NRG1: variants seen among roughly 807,000 people sequenced by gnomAD.
The protein encoded by NRG1 is neuregulin 1.
In NRG1, 18 loss-of-function variants were observed where a neutral mutation model predicts 63.8. The ratio of observed to expected loss-of-function variants is 0.28; its 90% CI spans 0.19 to 0.42. NRG1 has a LOEUF of 0.42. Ranked by LOEUF, NRG1 falls within the 10% of genes least tolerant of loss-of-function variation. The pLI is 1.00. For synonymous variants in NRG1, 302 were observed against 301.3 expected, an observed-to-expected ratio of 1.00 and a Z score of -0.02; for missense variants, 762 against 814.7, an observed-to-expected ratio of 0.94 and a Z score of 0.79.
At chr8:32,418,442 TA>T (rs1563437674) in intron 1 of NRG1, among the ~76,000 whole-genome samples, 1 of 151,942 alleles carries the variant, frequency 6.6e-6, no homozygotes, top group African/African-American at 2.4e-5. Flanking sequence ...GTAATCAATA[TA>T]AAAAATATCA....
chr8:32,195,784 T>C (rs1842893012), intron 1 of NRG1, among the ~76,000 whole-genome samples: 1 of 152,172 alleles, frequency 6.6e-6, no homozygotes, highest in Non-Finnish European at 1.5e-5. Flanking sequence ...AGACATTGAA[T>C]ACTATGTTTG....
At chr8:31,668,435 C>T (rs1249345079) in intron 1 of NRG1, among the ~76,000 whole-genome samples, 11 of 152,164 alleles carry the variant, frequency 7.2e-5, no homozygotes, top group African/African-American at 2.7e-4. Flanking sequence ...AGAGGGATAT[C>T]TCTTTGTCTT....
At chr8:32,393,892 T>TAAAC (rs1399275076) in intron 1 of NRG1, among the ~76,000 whole-genome samples, 1 of 152,106 alleles carries the variant, frequency 6.6e-6, no homozygotes, top group East Asian at 1.9e-4. Context: ...AATAAAAGTT[T>TAAAC]AAATAAATAA....
intron 1 of NRG1, among the ~76,000 whole-genome samples, chr8:32,538,281 G>T (rs1202086286): frequency 6.6e-6 from 1 of 152,138 alleles, no homozygotes; most frequent in East Asian, 1.9e-4. Flanking sequence ...TCAACTATAT[G>T]TAGGGACTCT....
intron 1 of NRG1, among the ~76,000 whole-genome samples, chr8:32,364,075 CTTTTTTTTTTTTT>C (rs932903875): frequency 9.2e-5 from 6 of 65,520 alleles, no homozygotes; most frequent in Admixed American, 2.0e-4. Context: ...TCTGACTAGT[CTTTTTTTTTTTTT>C]TTTTTTTTTT....
At chr8:31,982,453 G>A (rs1343228195) in intron 1 of NRG1, among the ~76,000 whole-genome samples, 1 of 152,058 alleles carries the variant, frequency 6.6e-6, no homozygotes, top group African/African-American at 2.4e-5. Flanking sequence ...GAACCCAGAA[G>A]ATAGTGGGAA....
chr8:31,758,096 C>T (rs1384525422), intron 1 of NRG1, among the ~76,000 whole-genome samples: 2 of 152,044 alleles, frequency 1.3e-5, no homozygotes, highest in African/African-American at 4.8e-5. Context: ...TTGTGGGATA[C>T]ATGTGCAGAA....
intron 1 of NRG1, among the ~76,000 whole-genome samples, chr8:31,923,361 G>A (rs1834071133): frequency 6.6e-6 from 1 of 152,052 alleles, no homozygotes; most frequent in Non-Finnish European, 1.5e-5. Context: ...ACATATAAAT[G>A]AGTGTATTTG....
At chr8:32,214,153 G>A (rs1238216671) in intron 1 of NRG1, among the ~76,000 whole-genome samples, 1 of 152,042 alleles carries the variant, frequency 6.6e-6, no homozygotes, top group East Asian at 1.9e-4. Flanking sequence ...GCAAATTTGT[G>A]TCCTGCTTTT....
chr8:32,662,270 C>T (rs1218064580), intron 5 of NRG1, among the ~76,000 whole-genome samples: 5 of 152,110 alleles, frequency 3.3e-5, no homozygotes, highest in Admixed American at 2.0e-4. Flanking sequence ...AACCATATGG[C>T]CATATGGAAG....
chr8:32,759,196 G>T, intron 9 of NRG1, 110 bp from the exon 10 acceptor site: 2 of 1,232,660 alleles, frequency 1.6e-6, no homozygotes, highest in Admixed American at 2.4e-5. Flanking sequence ...TACAAAAATA[G>T]ATTTGTGTGT....
chr8:31,699,024 C>G (rs1458179748), intron 1 of NRG1, among the ~76,000 whole-genome samples: 1 of 152,168 alleles, frequency 6.6e-6, no homozygotes, highest in African/African-American at 2.4e-5. Flanking sequence ...CCACTGACTT[C>G]CGTCATTGTA....
chr8:31,903,187 T>C (rs1185029336), intron 1 of NRG1, among the ~76,000 whole-genome samples: 1 of 148,706 alleles, frequency 6.7e-6, no homozygotes, highest in Non-Finnish European at 1.5e-5. Context: ...CTCACTCTGT[T>C]GCCCAGGCTG....
At chr8:32,484,741 C>T (rs947654782) in intron 1 of NRG1, among the ~76,000 whole-genome samples, 2 of 152,090 alleles carry the variant, frequency 1.3e-5, no homozygotes, top group South Asian at 4.1e-4. Flanking sequence ...GAAGTTAACA[C>T]ATTTATTTGT....
At chr8:32,463,471 A>G (rs1822593362) in intron 1 of NRG1, among the ~76,000 whole-genome samples, 1 of 152,154 alleles carries the variant, frequency 6.6e-6, no homozygotes, top group Non-Finnish European at 1.5e-5. Context: ...TTATCTCTTG[A>G]CTTTTTTATA....
chr8:32,133,253 C>T (rs139817746), intron 1 of NRG1, among the ~76,000 whole-genome samples: 3 of 152,020 alleles, frequency 2.0e-5, no homozygotes, highest in African/African-American at 7.2e-5. Context: ...GCTGGTGTAA[C>T]AATCAGCTCC....
chr8:32,045,518 C>T (rs985968248), intron 1 of NRG1, among the ~76,000 whole-genome samples: 1 of 151,798 alleles, frequency 6.6e-6, no homozygotes, highest in Non-Finnish European at 1.5e-5. Flanking sequence ...ACTAGAACAG[C>T]CAAAGCACTT....
intron 1 of NRG1, among the ~76,000 whole-genome samples, chr8:32,033,435 T>C (rs1818583518): frequency 6.6e-6 from 1 of 152,180 alleles, no homozygotes; most frequent in Non-Finnish European, 1.5e-5. Flanking sequence ...GTATGAGCTC[T>C]TTTGTAGTTT....
chr8:32,163,209 C>A (rs1024503505), intron 1 of NRG1, among the ~76,000 whole-genome samples: 2 of 152,194 alleles, frequency 1.3e-5, no homozygotes, highest in Non-Finnish European at 2.9e-5. Flanking sequence ...ACCCATGTGG[C>A]AGGAACTTGG....
Sources: allele counts gnomAD v4.1 joint callset (sites outside exome capture counted in the v4.1 genomes callset), GRCh38; gene constraint gnomAD v4.1.1; transcripts MANE v1.5; gene names NCBI Gene and HGNC (gene_info 2026-07-23, HGNC 2026-07-21).